HEMK1: variants seen among roughly 807,000 people sequenced by gnomAD.
HEMK1 encodes the protein MTRF1L release factor glutamine methyltransferase.
Under a neutral mutation model 47.9 loss-of-function variants are expected in HEMK1, and 36 were observed. The ratio of observed to expected loss-of-function variants is 0.75; its 90% CI spans 0.58 to 0.99. HEMK1 has a LOEUF of 0.99. Ranked by LOEUF, HEMK1 falls within the 50% of genes least tolerant of loss-of-function variation. The pLI is 0.00. For synonymous variants in HEMK1, 153 were observed against 165.4 expected (o/e 0.93, Z 0.57); for missense variants, 383 against 434.5 (o/e 0.88, Z 1.05).
intron 4 of HEMK1, among the ~76,000 whole-genome samples, chr3:50,575,276 G>A (rs1701450833): frequency 6.6e-6 from 1 of 152,138 alleles, no homozygotes; most frequent in African/African-American, 2.4e-5. Flanking sequence ...TACAAAATTA[G>A]CCAGGCACAA....
intron 1 of HEMK1, 130 bp from the exon 2 acceptor site, chr3:50,570,801 G>T: frequency 3.5e-6 from 1 of 285,022 alleles, no homozygotes; most frequent in African/African-American, 2.2e-5. Flanking sequence ...TGATCAAATA[G>T]GTGGGTAAGG....
chr3:50,572,015 C>G, intron 3 of HEMK1, 100 bp from the exon 4 acceptor site: 1 of 1,564,446 alleles, frequency 6.4e-7, no homozygotes, highest in East Asian at 2.3e-5. Flanking sequence ...GAGACATGGT[C>G]TTGCCTGATA....
chr3:50,569,503 C>T (rs915535433), upstream of HEMK1: 4 of 151,922 alleles, frequency 2.6e-5, no homozygotes, highest in African/African-American at 9.6e-5. Flanking sequence ...CGCGACGGGC[C>T]ACGCACGTCC....
At chr3:50,576,855 G>A (rs1701649100) in intron 4 of HEMK1, among the ~76,000 whole-genome samples, 197 bp from the exon 5 acceptor site, 1 of 152,190 alleles carries the variant, frequency 6.6e-6, no homozygotes, top group African/African-American at 2.4e-5. Context: ...CCTCAACTGG[G>A]CTCAGATGTA....
chr3:50,578,580 G>A (rs943798625), intron 7 of HEMK1, among the ~76,000 whole-genome samples: 5 of 152,230 alleles, frequency 3.3e-5, no homozygotes, highest in African/African-American at 1.2e-4. Context: ...GCATAATAAG[G>A]AGGATTTTTG....
rs1175561515 is a variant in HEMK1, at chr3:50,582,981, CA to C, written c.*2565del. The C allele has an allele frequency of 1.3e-5, 2 of 152,742 alleles. No homozygotes were observed. The highest frequency in any genetic ancestry group is 1.3e-4 in the Admixed American group (2 of 15,306). 9.5% of individuals were successfully genotyped at this position (152,742 alleles called of 1,614,324 possible). A position where few individuals can be genotyped will look rare whatever the true frequency, so the allele number is the denominator to read the frequency against. On this transcript the variant is annotated 3_prime_UTR_variant, in exon 11 of 11. Coordinates refer to ENST00000232854, the MANE Select transcript of HEMK1 (RefSeq NM_016173.5). Reference sequence around the variant, plus strand: ...CGAACAGCCTCCCCACCACCACCAGCATATGTCAAGGAGCACTTGCAGGCAG... The same window carrying C: ...CGAACAGCCTCCCCACCACCACCAGCTATGTCAAGGAGCACTTGCAGGCAG...
At chr3:50,571,578 C>T (rs2107379894) in intron 2 of HEMK1, 132 bp from the exon 3 acceptor site, 1 of 874,160 alleles carries the variant, frequency 1.1e-6, no homozygotes, top group Non-Finnish European at 1.9e-6. Flanking sequence ...CAGGATGCTG[C>T]CCCCTCTGGG....
chr3:50,572,026 C>A (rs1701034194), intron 3 of HEMK1, 89 bp from the exon 4 acceptor site: 4 of 1,582,622 alleles, frequency 2.5e-6, no homozygotes, highest in South Asian at 2.3e-5. Flanking sequence ...TTGCCTGATA[C>A]CTTTGGCCAC....
chr3:50,572,599 A>G (rs1242657801), intron 4 of HEMK1, among the ~76,000 whole-genome samples: 1 of 152,186 alleles, frequency 6.6e-6, no homozygotes, highest in Admixed American at 6.5e-5. Context: ...CCAGCCGGAC[A>G]CCTGGAGACC....
At chr3:50,579,569 C>T (rs2030435020) in intron 8 of HEMK1, among the ~76,000 whole-genome samples, 1 of 152,180 alleles carries the variant, frequency 6.6e-6, no homozygotes, top group South Asian at 2.1e-4. Context: ...GGGAGACACT[C>T]ATGCCCTGAC....
Position 50,571,010 on chromosome 3 carries a change from G to A in HEMK1, c.-95G>A. ...TGACCTCTCCATCTCCACCCAGCTGGGTCCAGGGGCCACTCTCAGCACTCA... is the reference window on the plus strand; with the variant it reads ...TGACCTCTCCATCTCCACCCAGCTGAGTCCAGGGGCCACTCTCAGCACTCA... On this transcript the variant is annotated 5_prime_UTR_variant, in exon 2 of 11. Coordinates refer to ENST00000232854, the MANE Select transcript of HEMK1 (RefSeq NM_016173.5). 1.1e-6 allele frequency: 1 copy of A among 903,060 alleles called. No homozygotes were observed. The allele number at this position is 903,060 out of a possible 1,614,324, so 55.9% of individuals were successfully genotyped here.
At position 50,595,383 on chromosome 3, in the gene HEMK1, A is replaced by T. The variant is rs1221728484; in HGVS notation, c.*14966A>T. ...ACCGCAGTTCCTACAGAGTGATGTG[A>T]TGATGGCCCGGTGATGCCTGCATAT... On this transcript the variant is annotated 3_prime_UTR_variant, in exon 11 of 11. Coordinates refer to ENST00000232854, the MANE Select transcript of HEMK1 (RefSeq NM_016173.5). 1 of 152,218 alleles carries T rather than the reference A, an allele frequency of 6.6e-6. No individual in the cohort carries two copies. Among genetic ancestry groups the T allele is most frequent in the African/African-American group, 2.4e-5 (1 of 41,448 alleles). The allele number at this position is 152,218 out of a possible 1,614,324, so 9.4% of individuals were successfully genotyped here.
rs1052150715 is a variant in HEMK1 at position 50,572,300 on chromosome 3, G to A, written c.414+92G>A. The A allele has an allele frequency of 3.5e-6, 5 of 1,427,982 alleles. No homozygotes were observed. The Admixed American group carries it at 7.9e-5, about 23-fold the overall frequency. The allele number at this position is 1,427,982 out of a possible 1,614,324, so 88.5% of individuals were successfully genotyped here. The stretch of plus-strand genomic sequence containing the variant: ...CAGGCTTCCTCCAGGGGGCACTGGG[G>A]CCCCATGACTTCAGGGACAGTGCCT... On this transcript the variant is annotated intron_variant, in intron 4 of 10. Transcript: ENST00000232854.
chr3:50,569,466 C>T (rs1700629589), upstream of HEMK1: 2 of 151,646 alleles, frequency 1.3e-5, no homozygotes, highest in South Asian at 4.1e-4. Context: ...AGGCGCCGAC[C>T]CCGGAAGCGG....
At chr3:50,577,939 G>A (rs2029984184) in intron 7 of HEMK1, 64 bp downstream of exon 7, 1 of 1,455,130 alleles carries the variant, frequency 6.9e-7, no homozygotes, top group East Asian at 2.3e-5. Flanking sequence ...GGGTGGATGA[G>A]GCACTCCGTG....
chr3:50,590,679 C>T lies in HEMK1; in HGVS notation c.*10262C>T, dbSNP rs2107541927. 6.6e-6 allele frequency: 1 copy of T among 152,406 alleles called. No individual in the cohort carries two copies. The highest frequency in any genetic ancestry group is 6.5e-5 in the Admixed American group (1 of 15,300). 9.4% of individuals were successfully genotyped at this position (152,406 alleles called of 1,614,324 possible). A position where few individuals can be genotyped will look rare whatever the true frequency, so the allele number is the denominator to read the frequency against. On this transcript the variant is annotated 3_prime_UTR_variant, in exon 11 of 11. Coordinates refer to ENST00000232854, the MANE Select transcript of HEMK1 (RefSeq NM_016173.5). ...GGTCTGCCCCAACTGCTCCAGCCCC[C>T]ATAGCCTGAGGCTCCCGGCACCTCC...
intron 9 of HEMK1, 85 bp from the exon 10 acceptor site, chr3:50,580,028 CAGG>C: frequency 6.6e-7 from 1 of 1,521,706 alleles, no homozygotes; most frequent in Non-Finnish European, 9.1e-7. Context: ...GAGGTCAGCA[CAGG>C]ACCCTCACCT....
In HEMK1 at chr3:50,595,309, G is replaced by C. The variant is rs2031911712; in HGVS notation, c.*14892G>C. On this transcript the variant is annotated 3_prime_UTR_variant, in exon 11 of 11. Coordinates refer to ENST00000232854, the MANE Select transcript of HEMK1 (RefSeq NM_016173.5). ...AACAGACAACAGATTATTGTTTACA[G>C]TAACGGCAGTAGACAGAGTAAAAGC... 6.6e-6 allele frequency: 1 copy of C among 152,234 alleles called. No individual in the cohort carries two copies. The highest frequency in any genetic ancestry group is 2.1e-4 in the South Asian group (1 of 4,838). The allele number at this position is 152,234 out of a possible 1,614,324, so 9.4% of individuals were successfully genotyped here.
chr3:50,570,892 A>G, intron 1 of HEMK1, 39 bp from the exon 2 acceptor site: 2 of 465,810 alleles, frequency 4.3e-6, no homozygotes, highest in Non-Finnish European at 7.6e-6. Context: ...GGGGTGTCAT[A>G]CAAGGCTCAC....
Sources: gnomAD v4.1 joint callset for allele counts (sites outside exome capture counted in the v4.1 genomes callset) on GRCh38, gnomAD v4.1.1 for gene constraint, MANE v1.5 for transcripts, NCBI Gene and HGNC (gene_info 2026-07-23, HGNC 2026-07-21) for gene names.